DYNC1I1: variants seen among roughly 807,000 people sequenced by gnomAD.
DYNC1I1 encodes dynein cytoplasmic 1 intermediate chain 1.
Under a neutral mutation model 86.6 loss-of-function variants are expected in DYNC1I1, and 43 were observed. The ratio of observed to expected loss-of-function variants is 0.50; its 90% CI spans 0.39 to 0.64. The LOEUF (loss-of-function observed/expected upper bound fraction) is 0.64, where lower values mean the gene tolerates loss of function less well. DYNC1I1 is among the 30% of genes least tolerant of loss of function. The pLI is 0.00. For synonymous variants in DYNC1I1, 262 were observed against 283.7 expected (o/e 0.92, Z 0.77); for missense variants, 604 against 788.8 (o/e 0.77, Z 2.81).
At chr7:96,039,174 T>C in intron 13 of DYNC1I1, 103 bp from the exon 14 acceptor site, 1 of 1,308,670 alleles carries the variant, frequency 7.6e-7, no homozygotes, top group South Asian at 1.5e-5. Context: ...TGTTCTAAAT[T>C]ATGGAGATGC....
At chr7:96,010,645 G>T (rs1794253862) in intron 10 of DYNC1I1, among the ~76,000 whole-genome samples, 1 of 152,106 alleles carries the variant, frequency 6.6e-6, no homozygotes, top group South Asian at 2.1e-4. Context: ...CCAGCTAGAG[G>T]GTGGTTCTAG....
chr7:96,010,208 A>G (rs542991153), intron 10 of DYNC1I1, among the ~76,000 whole-genome samples: 2 of 152,276 alleles, frequency 1.3e-5, no homozygotes, highest in South Asian at 4.2e-4. Flanking sequence ...TGCATGGTAC[A>G]AAACAAATAA....
At chr7:95,896,305 C>T (rs1332373693) in intron 6 of DYNC1I1, among the ~76,000 whole-genome samples, 1 of 152,148 alleles carries the variant, frequency 6.6e-6, no homozygotes, top group African/African-American at 2.4e-5. Context: ...ATGTGCCAAG[C>T]TTGAGAGCGT....
At chr7:95,908,193 G>A (rs990396570) in intron 6 of DYNC1I1, among the ~76,000 whole-genome samples, 2 of 152,038 alleles carry the variant, frequency 1.3e-5, no homozygotes, top group African/African-American at 2.4e-5. Flanking sequence ...CACTTATAGA[G>A]TTTAATAAAA....
chr7:96,041,921 A>G (rs916475753), intron 14 of DYNC1I1, among the ~76,000 whole-genome samples: 25 of 152,306 alleles, frequency 1.6e-4, no homozygotes, highest in African/African-American at 5.5e-4. Context: ...AAAATGAAAT[A>G]AATTTAAAAA....
At chr7:95,892,371 G>A (rs565473837) in intron 6 of DYNC1I1, among the ~76,000 whole-genome samples, 108 of 150,842 alleles carry the variant, frequency 7.2e-4, no homozygotes, top group African/African-American at 2.3e-3. Flanking sequence ...GTGCAGTGGC[G>A]GTGATCTCGG....
At chr7:95,862,363 AAC>A (rs1789908572) in intron 5 of DYNC1I1, among the ~76,000 whole-genome samples, 1 of 152,156 alleles carries the variant, frequency 6.6e-6, no homozygotes, top group Middle Eastern at 3.2e-3. Flanking sequence ...TTAAAAAAAA[AAC>A]AAATAACCCA....
chr7:95,828,169 G>A, intron 5 of DYNC1I1, 53 bp downstream of exon 5: 1 of 1,593,858 alleles, frequency 6.3e-7, no homozygotes, highest in Non-Finnish European at 8.6e-7. Context: ...CTACAGTTGT[G>A]TTGAAATGCT....
At chr7:96,012,665 CT>C (rs1215438964) in intron 10 of DYNC1I1, among the ~76,000 whole-genome samples, 1 of 152,102 alleles carries the variant, frequency 6.6e-6, no homozygotes, top group African/African-American at 2.4e-5. Flanking sequence ...ATGACTTTAG[CT>C]AGTGATGGGC....
In DYNC1I1 at chr7:95,980,307, C is replaced by CT. The variant is rs767841458; in HGVS notation, c.580+2719dup. Among the ~76,000 whole-genome samples, 235 of 142,518 alleles carry CT rather than the reference C, an allele frequency of 1.6e-3. 2 individuals are homozygous for CT. Among genetic ancestry groups the CT allele is most frequent in the East Asian group, 3.2e-3 (16 of 4,924 alleles). The allele number at this position is 142,518 out of a possible 152,430, so 93.5% of individuals were successfully genotyped here. ...TGTTTATGTTGGCATCAAACTCTGG[C>CT]TTTTTTTTTTTTTAAAGCAAGACAG... On this transcript the variant is annotated intron_variant, in intron 7 of 16. Transcript: ENST00000447467.
rs1449467096 is a variant in DYNC1I1 at position 95,907,323 on chromosome 7, T to G, written c.490+37325T>G. Among the ~76,000 whole-genome samples the G allele has an allele frequency of 2.6e-5, 4 of 152,310 alleles. No homozygotes were observed. In the East Asian group the frequency reaches 7.7e-4, roughly 29 times the overall value. On this transcript the variant is annotated intron_variant, in intron 6 of 16. Coordinates refer to ENST00000447467, the MANE Select transcript of DYNC1I1 (RefSeq NM_001135556.2). ...GAGTTAAGGTCACACAGTGTGTGCT[T>G]TCATAAGCCACCATATAATTGCCAG... is the stretch of plus-strand genomic sequence containing the variant.
chr7:95,999,585 G>A (rs1276243862), intron 10 of DYNC1I1, among the ~76,000 whole-genome samples: 2 of 152,102 alleles, frequency 1.3e-5, no homozygotes, highest in East Asian at 1.9e-4. Context: ...TGCTGCACAC[G>A]GCCTCAGCTG....
At chr7:96,063,596 C>T (rs994974938) in intron 14 of DYNC1I1, among the ~76,000 whole-genome samples, 2 of 151,852 alleles carry the variant, frequency 1.3e-5, no homozygotes, top group African/African-American at 2.4e-5. Flanking sequence ...CCTTTGTACA[C>T]GTTTGTGTCC....
chr7:95,935,227 A>AT (rs1792007694), intron 6 of DYNC1I1, among the ~76,000 whole-genome samples: 1 of 151,920 alleles, frequency 6.6e-6, no homozygotes, highest in Non-Finnish European at 1.5e-5. Context: ...ATCATGCAGT[A>AT]TTTGTCTTTC....
intron 14 of DYNC1I1, among the ~76,000 whole-genome samples, chr7:96,066,065 A>T (rs1789976021): frequency 6.6e-6 from 1 of 152,038 alleles, no homozygotes; most frequent in Admixed American, 6.6e-5. Context: ...TTCATAACAT[A>T]CCCCACTTTT....
At chr7:95,980,220 C>T (rs931135871) in intron 7 of DYNC1I1, among the ~76,000 whole-genome samples, 1 of 151,964 alleles carries the variant, frequency 6.6e-6, no homozygotes, top group African/African-American at 2.4e-5. Flanking sequence ...TCCTGCTGCA[C>T]TGTATGCCTT....
At chr7:95,835,922 A>T (rs922066984) in intron 5 of DYNC1I1, among the ~76,000 whole-genome samples, 12 of 152,246 alleles carry the variant, frequency 7.9e-5, no homozygotes, top group African/African-American at 2.9e-4. Context: ...TTGACTCTTT[A>T]TCCAATTTGC....
chr7:95,791,161 A>G (rs1339339612), intron 1 of DYNC1I1, among the ~76,000 whole-genome samples: 1 of 152,160 alleles, frequency 6.6e-6, no homozygotes, highest in Non-Finnish European at 1.5e-5. Context: ...TGAAATTAAA[A>G]TTATTCCTTC....
At chr7:95,895,313 A>G (rs1790852933) in intron 6 of DYNC1I1, among the ~76,000 whole-genome samples, 1 of 152,208 alleles carries the variant, frequency 6.6e-6, no homozygotes, top group Non-Finnish European at 1.5e-5. Context: ...ATTTTCACTC[A>G]GCTCACGAGG....
Sources: allele counts gnomAD v4.1 joint callset (sites outside exome capture counted in the v4.1 genomes callset), GRCh38; gene constraint gnomAD v4.1.1; transcripts MANE v1.5; gene names NCBI Gene and HGNC (gene_info 2026-07-23, HGNC 2026-07-21).